PLCE1: variants seen among roughly 807,000 people sequenced by gnomAD.
PLCE1 encodes the protein 1-phosphatidylinositol 4,5-bisphosphate phosphodiesterase epsilon-1.
PLCE1 carries 119 observed loss-of-function variants against 242.8 expected under a neutral mutation model. The observed-to-expected ratio is 0.49, with a 90% CI of 0.42 to 0.57. The LOEUF is 0.57. PLCE1 is among the 20% of genes least tolerant of loss of function. The probability of loss-of-function intolerance (pLI) is 0.00; values close to 1 mark genes in which losing one functional copy is unlikely to be tolerated. For synonymous variants in PLCE1, 945 were observed against 1,017.4 expected (o/e 0.93, Z 1.35); for missense variants, 2,441 against 2,788.8 (o/e 0.88, Z 2.81).
chr10:94,097,685 G>A (rs760241712), intron 2 of PLCE1, among the ~76,000 whole-genome samples: 2 of 152,176 alleles, frequency 1.3e-5, no homozygotes, highest in African/African-American at 4.8e-5. Context: ...CCAAGTAAAA[G>A]CATTAAGCTT....
chr10:94,151,942 T>G (rs2047288181), intron 3 of PLCE1, among the ~76,000 whole-genome samples: 1 of 152,134 alleles, frequency 6.6e-6, no homozygotes, highest in South Asian at 2.1e-4. Flanking sequence ...TAGAAGTGGG[T>G]TTGACTGGCT....
intron 22 of PLCE1, 80 bp from the exon 23 acceptor site, chr10:94,293,428 T>C (rs2052706041): frequency 6.6e-7 from 1 of 1,512,710 alleles, no homozygotes; most frequent in African/African-American, 1.4e-5. Context: ...GACTTCAAAA[T>C]AAATATTAAT....
At chr10:94,097,225 G>T (rs905015634) in intron 2 of PLCE1, among the ~76,000 whole-genome samples, 91 of 152,202 alleles carry the variant, frequency 6.0e-4, no homozygotes, top group African/African-American at 2.2e-3. Context: ...CTTTTATTTA[G>T]ATTTTACTTG....
intron 11 of PLCE1, among the ~76,000 whole-genome samples, chr10:94,257,540 ACT>A (rs1181373138): frequency 6.6e-6 from 1 of 152,198 alleles, no homozygotes; most frequent in Non-Finnish European, 1.5e-5. Flanking sequence ...TCAATGATAG[ACT>A]GGATTAAGAA....
At chr10:94,072,382 T>C (rs1034943686) in intron 2 of PLCE1, among the ~76,000 whole-genome samples, 2 of 152,068 alleles carry the variant, frequency 1.3e-5, no homozygotes, top group African/African-American at 4.8e-5. Flanking sequence ...GTTCACGCCA[T>C]TCTCCTGCAT....
At chr10:94,251,587 TC>T (rs761532290) in intron 8 of PLCE1, among the ~76,000 whole-genome samples, 79 of 152,314 alleles carry the variant, frequency 5.2e-4, no homozygotes, top group Non-Finnish European at 2.4e-4. Flanking sequence ...ATGGGGAGAA[TC>T]ATTGACAATT....
chr10:93,995,201 G>A (rs1470336335), intron 1 of PLCE1, among the ~76,000 whole-genome samples: 3 of 152,198 alleles, frequency 2.0e-5, no homozygotes, highest in Non-Finnish European at 4.4e-5. Context: ...GTGCCCAGTT[G>A]TCATTGAGGA....
At chr10:94,295,794 GA>G (rs2052791441) in intron 23 of PLCE1, among the ~76,000 whole-genome samples, 2 of 152,162 alleles carry the variant, frequency 1.3e-5, no homozygotes, top group Admixed American at 1.3e-4. Flanking sequence ...TAGCAGACAT[GA>G]AAAATCATGC....
At chr10:94,205,296 G>A (rs1188167743) in intron 4 of PLCE1, among the ~76,000 whole-genome samples, 5 of 151,820 alleles carry the variant, frequency 3.3e-5, no homozygotes, top group African/African-American at 1.2e-4. Context: ...GGGGGAAGAA[G>A]AGAGAGGGAG....
chr10:94,152,051 A>T (rs1465119135), intron 3 of PLCE1, among the ~76,000 whole-genome samples: 1 of 152,198 alleles, frequency 6.6e-6, no homozygotes, highest in Non-Finnish European at 1.5e-5. Flanking sequence ...ACCTCAAACT[A>T]TAAAAGTCCT....
intron 4 of PLCE1, among the ~76,000 whole-genome samples, chr10:94,185,473 G>C (rs1242451712): frequency 1.3e-5 from 2 of 152,154 alleles, no homozygotes; most frequent in Admixed American, 1.3e-4. Flanking sequence ...TCTAGCCTGG[G>C]CCACAAGAGT....
chr10:94,043,120 CTATT>C (rs2061801794), intron 2 of PLCE1, among the ~76,000 whole-genome samples: 1 of 152,164 alleles, frequency 6.6e-6, no homozygotes. Context: ...TTGGCAAACA[CTATT>C]TAAACCTCCC....
chr10:94,202,172 G>A (rs1387774940), intron 4 of PLCE1, among the ~76,000 whole-genome samples: 1 of 152,140 alleles, frequency 6.6e-6, no homozygotes, highest in African/African-American at 2.4e-5. Context: ...TGACTGCCAC[G>A]TGTAGAATAT....
At chr10:94,316,165 C>T (rs1306501146) in intron 28 of PLCE1, among the ~76,000 whole-genome samples, 1 of 152,134 alleles carries the variant, frequency 6.6e-6, no homozygotes, top group Non-Finnish European at 1.5e-5. Flanking sequence ...CCGAGTATTT[C>T]CAATGTGAGA....
At chr10:94,193,766 C>T (rs184798782) in intron 4 of PLCE1, among the ~76,000 whole-genome samples, 1 of 152,188 alleles carries the variant, frequency 6.6e-6, no homozygotes, top group Non-Finnish European at 1.5e-5. Flanking sequence ...TCTGCCTCCA[C>T]GGGGTTTAAC....
chr10:93,999,642 G>C (rs1223590), intron 1 of PLCE1, among the ~76,000 whole-genome samples: 80,735 of 151,940 alleles, frequency 0.53, 22,425 homozygotes, highest in East Asian at 0.75. Context: ...TGGACAGCCC[G>C]AAGCCGTGGG....
rs773262919 is a variant in PLCE1 at position 94,132,313 on chromosome 10, C to T, written c.1346C>T (p.Thr449Ile). The change falls in exon 3 of 33, where the codon ACT (threonine) becomes ATT (isoleucine). Residue 449 changes from threonine (T) to isoleucine (I), a missense_variant. Around this residue, in one of 5 missense-constraint regions of PLCE1, gnomAD observed 733 missense variants for 754.2 expected, o/e 0.97. Transcript: ENST00000371380. Reference protein sequence around the residue: ...GPCLKQCVRDTVCEYRATLQR... With the variant: ...GPCLKQCVRDIVCEYRATLQR... ...TGCTTAAAGCAATGTGTCCGAGACA[C>T]TGTATGTGAGTATCGCGCCACCCTC... The T allele has an allele frequency of 1.2e-6, 2 of 1,614,056 alleles. No individual in the cohort carries two copies. Among genetic ancestry groups the T allele is most frequent in the South Asian group, 2.2e-5 (2 of 91,066 alleles).
At chr10:94,324,831 T>C in intron 31 of PLCE1, 61 bp from the exon 32 acceptor site, 2 of 1,508,378 alleles carry the variant, frequency 1.3e-6, no homozygotes, top group South Asian at 2.3e-5. Flanking sequence ...TGAAATAGTG[T>C]CATGTGACAG....
chr10:94,032,387 T>C (rs2134507036), intron 2 of PLCE1, 135 bp downstream of exon 2: 1 of 822,222 alleles, frequency 1.2e-6, no homozygotes, highest in African/African-American at 1.7e-5. Flanking sequence ...TAAGCATTTG[T>C]GGTTATTGAA....
Sources: gnomAD v4.1 joint callset for allele counts (sites outside exome capture counted in the v4.1 genomes callset) on GRCh38, gnomAD v4.1.1 for gene constraint, gnomAD v4.1.1 regional missense constraint, MANE v1.5 for transcripts, NCBI Gene and HGNC (gene_info 2026-07-23, HGNC 2026-07-21) for gene names.